The following HTR1F variants were observed in gnomAD, a reference collection of about 807,000 sequenced individuals.
HTR1F encodes 5-hydroxytryptamine (serotonin) receptor 1F, G protein-coupled.
HTR1F carries 17 observed loss-of-function variants against 24.0 expected under a neutral mutation model. The ratio of observed to expected loss-of-function variants is 0.71; its 90% confidence interval spans 0.48 to 1.06. The LOEUF (loss-of-function observed/expected upper bound fraction) is 1.06, where lower values mean the gene tolerates loss of function less well. HTR1F is among the 50% of genes least tolerant of loss of function. HTR1F has a pLI of 0.00. For missense variants in HTR1F, 391 were observed against 427.8 expected (o/e 0.91, Z 0.76); for synonymous variants, 186 against 156.8 (o/e 1.19, Z -1.39).
At chr3:87,887,595 C>T (rs1162213144) in intron 2 of HTR1F, among the ~76,000 whole-genome samples, 1 of 152,140 alleles carries the variant, frequency 6.6e-6, no homozygotes, top group Non-Finnish European at 1.5e-5. Context: ...GGGCTAATAT[C>T]CAGAATCTAC....
At chr3:87,974,588 C>T (rs1225167031) in intron 2 of HTR1F, among the ~76,000 whole-genome samples, 2 of 151,888 alleles carry the variant, frequency 1.3e-5, no homozygotes, top group Non-Finnish European at 2.9e-5. Flanking sequence ...TACCAGAATG[C>T]GTTTATCTCA....
chr3:87,800,482 C>T (rs181387542), intron 1 of HTR1F, among the ~76,000 whole-genome samples: 131 of 152,308 alleles, frequency 8.6e-4, no homozygotes, highest in Admixed American at 5.2e-4. Context: ...AAGTAATTCA[C>T]TCCTCTAAAG....
chr3:87,955,123 G>C (rs1010013374), intron 2 of HTR1F, among the ~76,000 whole-genome samples: 13 of 151,306 alleles, frequency 8.6e-5, no homozygotes, highest in African/African-American at 3.1e-4. Flanking sequence ...AATTTTAATA[G>C]TTGTGTATAT....
intron 2 of HTR1F, among the ~76,000 whole-genome samples, chr3:87,902,595 TTTTTA>T (rs1706350944): frequency 6.6e-6 from 1 of 152,024 alleles, no homozygotes; most frequent in Non-Finnish European, 1.5e-5. Context: ...TTGTTTCTTT[TTTTTA>T]TTTTATCATT....
rs140028011 is a variant in HTR1F at position 87,859,501 on chromosome 3, A to G, written c.-43+37377A>G. Among the ~76,000 whole-genome samples the G allele has an allele frequency of 4.6e-3, 695 of 152,330 alleles. 4 individuals carry two copies. The highest frequency in any genetic ancestry group is 0.016 in the African/African-American group (647 of 41,584). Reference sequence around the variant, plus strand: ...GTAGGAACGATCACACAATGAAAGCATATTAACAAAATTGTAATCATTTCA... The same window carrying G: ...GTAGGAACGATCACACAATGAAAGCGTATTAACAAAATTGTAATCATTTCA... On this transcript the variant is annotated intron_variant, in intron 2 of 2. Coordinates refer to ENST00000319595, the MANE Select transcript of HTR1F (RefSeq NM_001322209.2).
Position 87,991,236 on chromosome 3 carries a change from C to A in HTR1F, c.487C>A (p.His163Asn). ...CTCTATGCCTCCTCTATTCTGGAGG[C>A]ACCAAGGAACTAGCAGAGATGATGA... is the stretch of plus-strand genomic sequence containing the variant. ...FISMPPLFWR[H>N]QGTSRDDECI... Residue 163 changes from histidine (H) to asparagine (N), a missense_variant, in exon 3 of 3, where the codon CAC becomes AAC. His to Asn is a moderately conservative substitution (Grantham distance 68). Coordinates refer to ENST00000319595, the MANE Select transcript of HTR1F (RefSeq NM_001322209.2). 1 of 1,613,996 alleles carries A rather than the reference C, an allele frequency of 6.2e-7. No individual in the cohort carries two copies. The highest frequency in any genetic ancestry group is 1.1e-5 in the South Asian group (1 of 91,078).
chr3:87,894,118 C>T (rs111956757), intron 2 of HTR1F, among the ~76,000 whole-genome samples: 110 of 152,076 alleles, frequency 7.2e-4, no homozygotes, highest in Middle Eastern at 6.8e-3. Context: ...GATTTTGCTG[C>T]ACCTATCAGC....
At chr3:87,860,869 A>T (rs1158650261) in intron 2 of HTR1F, among the ~76,000 whole-genome samples, 6 of 152,216 alleles carry the variant, frequency 3.9e-5, no homozygotes, top group Non-Finnish European at 1.5e-5. Context: ...ATAAAATATT[A>T]ACAACAGGCC....
At chr3:87,892,990 T>A (rs907700535) in intron 2 of HTR1F, among the ~76,000 whole-genome samples, 9 of 152,022 alleles carry the variant, frequency 5.9e-5, no homozygotes, top group African/African-American at 2.2e-4. Context: ...AATATATATA[T>A]GTAAGTTAAG....
chr3:87,795,598 A>G (rs1703891069), intron 1 of HTR1F, among the ~76,000 whole-genome samples: 1 of 152,162 alleles, frequency 6.6e-6, no homozygotes, highest in South Asian at 2.1e-4. Flanking sequence ...TTCAGTGGCC[A>G]GGTCCAGAAA....
intron 2 of HTR1F, among the ~76,000 whole-genome samples, chr3:87,896,071 C>T (rs1473733193): frequency 6.6e-6 from 1 of 152,086 alleles, no homozygotes; most frequent in Non-Finnish European, 1.5e-5. Flanking sequence ...TCATTGATTT[C>T]CCCCACTTTG....
intron 2 of HTR1F, among the ~76,000 whole-genome samples, chr3:87,971,524 A>G (rs751231997): frequency 1.3e-5 from 2 of 152,194 alleles, no homozygotes; most frequent in South Asian, 2.1e-4. Flanking sequence ...ATGCCACTGC[A>G]CTACAGCCTG....
chr3:87,908,034 A>G lies in HTR1F; in HGVS notation c.-42-82674A>G, dbSNP rs111526535. The stretch of plus-strand genomic sequence containing the variant: ...CATTTCAAGTCATCTATCCTAAGGA[A>G]ATAATCAGAATTTGGAAAAATACTT... On this transcript the variant is annotated intron_variant, in intron 2 of 2. Transcript: ENST00000319595. 3.8e-3 allele frequency among the ~76,000 whole-genome samples: 576 copies of G among 152,134 alleles called. 4 individuals are homozygous for G. Among genetic ancestry groups the G allele is most frequent in the African/African-American group, 0.013 (552 of 41,570 alleles).
At chr3:87,946,683 A>G (rs1704717079) in intron 2 of HTR1F, among the ~76,000 whole-genome samples, 1 of 150,416 alleles carries the variant, frequency 6.6e-6, no homozygotes, top group African/African-American at 2.4e-5. Context: ...GTGCAGTGGC[A>G]CAATCTCGGG....
intron 2 of HTR1F, among the ~76,000 whole-genome samples, chr3:87,925,784 A>G (rs1422089668): frequency 2.0e-5 from 3 of 152,044 alleles, no homozygotes; most frequent in Non-Finnish European, 2.9e-5. Context: ...GTGGTAATGG[A>G]CACTGCTAGA....
At position 87,831,289 on chromosome 3, in the gene HTR1F, C is replaced by T. The variant is rs1268235941; in HGVS notation, c.-43+9165C>T. Among the ~76,000 whole-genome samples the T allele has an allele frequency of 6.0e-5, 9 of 150,480 alleles. 1 individual carries two copies. Among genetic ancestry groups the T allele is most frequent in the Non-Finnish European group, 8.9e-5 (6 of 67,640 alleles). Reference sequence around the variant, plus strand: ...TAAATAACAATGCAAATATTAGTAACTAACTTTAGTAGGGTCTTTGTACTT... The same window carrying T: ...TAAATAACAATGCAAATATTAGTAATTAACTTTAGTAGGGTCTTTGTACTT... On this transcript the variant is annotated intron_variant, in intron 2 of 2. Transcript: ENST00000319595.
At chr3:87,986,266 T>C (rs1284585463) in intron 2 of HTR1F, among the ~76,000 whole-genome samples, 6 of 152,156 alleles carry the variant, frequency 3.9e-5, no homozygotes, top group Non-Finnish European at 5.9e-5. Flanking sequence ...TCATTGTAAA[T>C]AGCAAGAGAA....
At chr3:87,880,451 T>C (rs566374555) in intron 2 of HTR1F, among the ~76,000 whole-genome samples, 4 of 152,296 alleles carry the variant, frequency 2.6e-5, no homozygotes, top group African/African-American at 9.6e-5. Context: ...GAAAACTTAC[T>C]TTCTTAGGAT....
intron 2 of HTR1F, among the ~76,000 whole-genome samples, chr3:87,944,639 T>C (rs1704651320): frequency 6.6e-6 from 1 of 152,236 alleles, no homozygotes; most frequent in Non-Finnish European, 1.5e-5. Flanking sequence ...ATTACCTTTT[T>C]CTAACAGAAT....
Sources: allele counts gnomAD v4.1 joint callset (sites outside exome capture counted in the v4.1 genomes callset), GRCh38; gene constraint gnomAD v4.1.1; transcripts MANE v1.5; gene names NCBI Gene and HGNC (gene_info 2026-07-23, HGNC 2026-07-21).